Variants in DNAH12 observed in about 807,000 individuals in gnomAD.
DNAH12 encodes the protein dynein axonemal heavy chain 12.
In DNAH12, 285 loss-of-function variants were observed where a neutral mutation model predicts 371.5. The observed-to-expected ratio is 0.77, with a 90% CI of 0.70 to 0.85. The LOEUF (loss-of-function observed/expected upper bound fraction) is 0.85. Among genes scored for constraint, DNAH12 ranks in the 40% least tolerant of loss-of-function variants. The pLI, the probability that DNAH12 is intolerant of heterozygous loss-of-function variation, is 0.00. For synonymous variants in DNAH12, 1,200 were observed against 1,213.0 expected (o/e 0.99, Z 0.22); for missense variants, 3,611 against 3,689.4 (o/e 0.98, Z 0.55).
At position 57,542,804 on chromosome 3, in the gene DNAH12, T is replaced by TG; in HGVS notation, c.66dup (p.Ile23HisfsTer11). ...CCTATGTTTTCTGGGAGATGGACAATGGGGGGTAACTTCAAGTTCAGAGCT... is the reference window on the plus strand; with the variant it reads ...CCTATGTTTTCTGGGAGATGGACAATGGGGGGGTAACTTCAAGTTCAGAGCT... On this transcript the variant is annotated frameshift_variant, in exon 2 of 74. Transcript: ENST00000495027. LOFTEE classifies it high-confidence loss of function. The TG allele has an allele frequency of 6.2e-7, 1 of 1,609,936 alleles. No individual in the cohort carries two copies. Among genetic ancestry groups the TG allele is most frequent in the Non-Finnish European group, 8.5e-7 (1 of 1,178,624 alleles).
At chr3:57,443,765 T>A (rs2153369697) in intron 29 of DNAH12, among the ~76,000 whole-genome samples, 1 of 152,268 alleles carries the variant, frequency 6.6e-6, no homozygotes, top group Admixed American at 6.5e-5. Flanking sequence ...CTTATTATGT[T>A]ACCTATAGGA....
In DNAH12 at chr3:57,293,788, T is replaced by C. The variant is rs1309419320; in HGVS notation, c.11876A>G (p.Asp3959Gly). The change falls in exon 74 of 74, where the codon GAT becomes GGT. Residue 3959 changes from aspartate to glycine, a missense_variant. Physicochemically the swap from Asp to Gly is moderately conservative, Grantham distance 94. Coordinates refer to ENST00000495027, the MANE Select transcript of DNAH12 (RefSeq NM_001366028.2). ...TTTATAAATTTGTCCAATTTAGTCA[T>C]CCAACTGACAAAGCAAAGCAACCCC... The part of the protein sequence containing the change: ...KRGVALLCQL[D>G]D The C allele has an allele frequency of 2.6e-6, 4 of 1,549,056 alleles. No individual in the cohort carries two copies. In the Admixed American group the frequency reaches 5.9e-5, roughly 23 times the overall value.
chr3:57,308,889 A>C (rs139957098), intron 69 of DNAH12, among the ~76,000 whole-genome samples: 1,563 of 151,544 alleles, frequency 0.01, 17 homozygotes, highest in African/African-American at 0.037. Context: ...CATCACCAAT[A>C]ATTCTGTAAG....
upstream of DNAH12, among the ~76,000 whole-genome samples, chr3:57,544,568 C>T (rs367588094): frequency 9.7e-4 from 148 of 152,284 alleles, 1 homozygote; most frequent in South Asian, 0.029. Flanking sequence ...AAATTAGAAT[C>T]TTCAAACTGT....
At chr3:57,447,001 G>C (rs1183495517) in intron 25 of DNAH12, among the ~76,000 whole-genome samples, 1 of 152,200 alleles carries the variant, frequency 6.6e-6, no homozygotes, top group Non-Finnish European at 1.5e-5. Context: ...TGGTTGTGGA[G>C]ATGGTTGTGG....
At chr3:57,329,557 C>T (rs1395237481) in intron 62 of DNAH12, among the ~76,000 whole-genome samples, 2 of 140,098 alleles carry the variant, frequency 1.4e-5, no homozygotes, top group South Asian at 2.4e-4. Flanking sequence ...ATACAAAAAT[C>T]AATTCAAGAT....
intron 65 of DNAH12, among the ~76,000 whole-genome samples, chr3:57,317,354 C>T (rs969509437): frequency 1.3e-5 from 2 of 152,148 alleles, no homozygotes; most frequent in Non-Finnish European, 2.9e-5. Flanking sequence ...AATTGAGACA[C>T]TATTCCCATT....
chr3:57,428,945 G>T, intron 33 of DNAH12, 124 bp from the exon 34 acceptor site: 1 of 954,214 alleles, frequency 1.0e-6, no homozygotes, highest in Non-Finnish European at 1.5e-6. Flanking sequence ...GCTTCACATA[G>T]CTTCACACAG....
intron 40 of DNAH12, among the ~76,000 whole-genome samples, chr3:57,407,281 GAAA>G (rs35245549): frequency 7.5e-6 from 1 of 133,600 alleles, no homozygotes; most frequent in Non-Finnish European, 1.6e-5. Flanking sequence ...TTCAAAGACA[GAAA>G]AAAAAAAAAA....
In DNAH12 at chr3:57,296,326, GC is replaced by G. The variant is rs1336535776; in HGVS notation, c.11624+17del. ...TTCAGCTACAAATGAAGAGGTCCTG[GC>G]AGCTGAATCCACTGACCTTTCTCGG... On this transcript the variant is annotated intron_variant, in intron 72 of 73. Transcript: ENST00000495027. The G allele has an allele frequency of 5.2e-6, 8 of 1,527,196 alleles. No individual in the cohort carries two copies. The Admixed American group carries it at 1.6e-4, about 30-fold the overall frequency. 94.6% of individuals were successfully genotyped at this position (1,527,196 alleles called of 1,614,324 possible). A position where few individuals can be genotyped will look rare whatever the true frequency, so the allele number is the denominator to read the frequency against.
chr3:57,327,154 G>T (rs1376347413), intron 62 of DNAH12, among the ~76,000 whole-genome samples: 1 of 152,062 alleles, frequency 6.6e-6, no homozygotes, highest in Non-Finnish European at 1.5e-5. Context: ...AGATCAACGA[G>T]ACAGAAAGTC....
chr3:57,519,366 T>G (rs1208824663), intron 4 of DNAH12, among the ~76,000 whole-genome samples: 1 of 152,242 alleles, frequency 6.6e-6, no homozygotes, highest in Non-Finnish European at 1.5e-5. Context: ...GGGTAAATTA[T>G]AAAGGTGATT....
intron 2 of DNAH12, among the ~76,000 whole-genome samples, chr3:57,532,362 G>A (rs1306336777): frequency 6.6e-6 from 1 of 152,116 alleles, no homozygotes; most frequent in Non-Finnish European, 1.5e-5. Flanking sequence ...TTAGTTTGGT[G>A]AGGTCATGTT....
chr3:57,405,083 TCTC>T lies in DNAH12; in HGVS notation c.6638_6640del (p.Gly2213del). The T allele has an allele frequency of 6.5e-7, 1 of 1,546,798 alleles. No homozygotes were observed. Among genetic ancestry groups the T allele is most frequent in the East Asian group, 2.5e-5 (1 of 40,402 alleles). On this transcript the variant is annotated inframe_deletion, in exon 42 of 74. Transcript: ENST00000495027. ...TGGAATTTCAATATAAACTCTATCA[TCTC>T]CTTCAAGGTCAGGATTCATATAATC...
chr3:57,377,247 T>C (rs1272050943), intron 52 of DNAH12, 25 bp from the exon 53 acceptor site: 1 of 152,176 alleles, frequency 6.6e-6, no homozygotes, highest in East Asian at 1.9e-4. Context: ...TATATGCAGA[T>C]ATGATGTGTA....
intron 39 of DNAH12, among the ~76,000 whole-genome samples, chr3:57,412,469 C>T (rs1317821925): frequency 2.0e-5 from 3 of 152,160 alleles, no homozygotes; most frequent in Admixed American, 6.5e-5. Context: ...ACAACTTCTG[C>T]TCTGCCAAAG....
chr3:57,480,407 T>G (rs2066697274), intron 13 of DNAH12, among the ~76,000 whole-genome samples: 1 of 151,626 alleles, frequency 6.6e-6, no homozygotes, highest in South Asian at 2.1e-4. Flanking sequence ...AATAACAGGC[T>G]CTGAAATTGA....
At chr3:57,294,684 C>A (rs1375080227) in intron 73 of DNAH12, among the ~76,000 whole-genome samples, 2 of 152,102 alleles carry the variant, frequency 1.3e-5, no homozygotes, top group Non-Finnish European at 2.9e-5. Flanking sequence ...ATCCAAGAAA[C>A]CCACACATTA....
chr3:57,428,504 C>A, intron 34 of DNAH12, 129 bp downstream of exon 34: 1 of 1,526,666 alleles, frequency 6.6e-7, no homozygotes, highest in Non-Finnish European at 8.8e-7. Flanking sequence ...ATAAAACCAA[C>A]GGTGGATAGT....
Sources: gnomAD v4.1 joint callset for allele counts (sites outside exome capture counted in the v4.1 genomes callset) on GRCh38, gnomAD v4.1.1 for gene constraint, MANE v1.5 for transcripts, NCBI Gene and HGNC (gene_info 2026-07-23, HGNC 2026-07-21) for gene names.